COQ5: variants seen among roughly 807,000 people sequenced by gnomAD.
COQ5 encodes coenzyme Q5, methyltransferase, also known as 2-methoxy-6-polyprenyl-1,4-benzoquinol methylase, mitochondrial.
A neutral mutation model predicts 40.5 loss-of-function variants in COQ5; 27 were observed. The observed-to-expected ratio is 0.67, with a 90% CI of 0.49 to 0.92. COQ5 has a LOEUF of 0.92. Among genes scored for constraint, COQ5 ranks in the 40% least tolerant of loss-of-function variants. The pLI is 0.00. For synonymous variants in COQ5, 141 were observed against 150.0 expected, an observed-to-expected ratio of 0.94 and a Z score of 0.44; for missense variants, 409 against 406.4, an observed-to-expected ratio of 1.01 and a Z score of -0.06.
intron 1 of COQ5, among the ~76,000 whole-genome samples, chr12:120,528,671 G>A (rs1382913258): frequency 6.6e-6 from 1 of 152,004 alleles, no homozygotes; most frequent in East Asian, 1.9e-4. Context: ...GGGCGTGCTG[G>A]CGGGCGCCTG....
chr12:120,518,048 C>G (rs1423503206), intron 2 of COQ5, among the ~76,000 whole-genome samples: 1 of 152,034 alleles, frequency 6.6e-6, no homozygotes, highest in Non-Finnish European at 1.5e-5. Context: ...CTCAGGTGAT[C>G]CACTCGCCTC....
At chr12:120,519,819 G>A (rs892141001) in intron 2 of COQ5, among the ~76,000 whole-genome samples, 7 of 144,642 alleles carry the variant, frequency 4.8e-5, no homozygotes, top group Admixed American at 1.4e-4. Context: ...GCGGTGAGCC[G>A]AAATTGTGCC....
chr12:120,520,685 G>A (rs1374204801), intron 2 of COQ5, among the ~76,000 whole-genome samples: 1 of 151,962 alleles, frequency 6.6e-6, no homozygotes, highest in Non-Finnish European at 1.5e-5. Flanking sequence ...TGGCCAGACT[G>A]GTCTTGAACT....
chr12:120,521,014 T>C (rs1869621154), intron 2 of COQ5, among the ~76,000 whole-genome samples: 1 of 151,434 alleles, frequency 6.6e-6, no homozygotes, highest in African/African-American at 2.4e-5. Flanking sequence ...GTCATTTAGA[T>C]GGTGAAATGT....
chr12:120,508,434 C>T (rs73225213), intron 4 of COQ5, among the ~76,000 whole-genome samples: 6,895 of 152,132 alleles, frequency 0.045, 260 homozygotes, highest in South Asian at 0.1. Flanking sequence ...TACACCTTGG[C>T]ACAAAACATC....
At chr12:120,504,830 A>T (rs977924779) in intron 5 of COQ5, 65 bp downstream of exon 5, 20 of 1,359,274 alleles carry the variant, frequency 1.5e-5, no homozygotes, top group Non-Finnish European at 2.0e-5. Flanking sequence ...GGCTATTTTC[A>T]ATCCATTTCG....
At chr12:120,528,816 A>AAT (rs1870085558) in intron 1 of COQ5, 124 bp downstream of exon 1, 1 of 973,650 alleles carries the variant, frequency 1.0e-6, no homozygotes, top group Non-Finnish European at 1.6e-6. Context: ...AAAAAAAAAA[A>AAT]AAATCATAAC....
At chr12:120,518,923 T>A (rs1869517048) in intron 2 of COQ5, among the ~76,000 whole-genome samples, 1 of 152,222 alleles carries the variant, frequency 6.6e-6, no homozygotes, top group South Asian at 2.1e-4. Flanking sequence ...ATTTAGTATA[T>A]GCGCTACTGA....
chr12:120,526,046 A>G (rs1565935010), intron 1 of COQ5, among the ~76,000 whole-genome samples: 1 of 152,226 alleles, frequency 6.6e-6, no homozygotes, highest in Admixed American at 6.5e-5. Flanking sequence ...CAATACCACA[A>G]TTCAAGTACA....
chr12:120,510,106 C>G lies in COQ5; in HGVS notation c.592G>C (p.Gly198Arg), dbSNP rs1254800895. The G allele has an allele frequency of 6.2e-7, 1 of 1,613,608 alleles. No individual in the cohort carries two copies. The highest frequency in any genetic ancestry group is 1.7e-5 in the Admixed American group (1 of 59,956). ...TCAAAGGGCAGTTCTTCAGCATCTC[C>G]TAATACCCATGCAAGTCCTGAAAGA... ...GYRAGLAWVLGDAEELPFDDD... is the reference protein window; with the variant it reads ...GYRAGLAWVLRDAEELPFDDD... The change falls in exon 4 of 7, where the codon GGA becomes CGA. Residue 198 changes from glycine to arginine, a missense_variant. Coordinates refer to ENST00000288532, the MANE Select transcript of COQ5 (RefSeq NM_032314.4).
At chr12:120,508,158 G>A (rs1175605586) in intron 4 of COQ5, among the ~76,000 whole-genome samples, 3 of 151,708 alleles carry the variant, frequency 2.0e-5, no homozygotes, top group East Asian at 2.0e-4. Context: ...GCCACGCCCA[G>A]CTAATTTTTG....
At chr12:120,506,916 T>C (rs1671767) in intron 4 of COQ5, among the ~76,000 whole-genome samples, 120,778 of 151,904 alleles carry the variant, frequency 0.8, 48,350 homozygotes, top group Admixed American at 0.85. Flanking sequence ...TCACTGCAAC[T>C]TCCACCTCCC....
chr12:120,516,538 C>G (rs1206260107), intron 3 of COQ5, 29 bp downstream of exon 3: 1 of 1,496,120 alleles, frequency 6.7e-7, no homozygotes, highest in South Asian at 1.1e-5. Context: ...ACAAATACTT[C>G]CCCTGTGTCT....
chr12:120,519,580 T>G (rs1487470893), intron 2 of COQ5, among the ~76,000 whole-genome samples: 1 of 144,540 alleles, frequency 6.9e-6, no homozygotes, highest in African/African-American at 2.6e-5. Flanking sequence ...GAATTGAAAA[T>G]GTGGGATCCG....
chr12:120,504,767 A>G, intron 5 of COQ5, 128 bp downstream of exon 5: 1 of 799,444 alleles, frequency 1.3e-6, no homozygotes, highest in Non-Finnish European at 2.2e-6. Flanking sequence ...TGTCATTCAG[A>G]ACTGGCTGAC....
At chr12:120,508,933 G>T in intron 4 of COQ5, among the ~76,000 whole-genome samples, 1 of 151,984 alleles carries the variant, frequency 6.6e-6, no homozygotes, top group South Asian at 2.1e-4. Flanking sequence ...GCTGACGCAG[G>T]AGAATTGCTT....
rs749441290 is a variant in COQ5 at position 120,504,060 on chromosome 12, G to T, written c.792C>A (p.Phe264Leu). 5.0e-6 allele frequency: 8 copies of T among 1,610,004 alleles called. No homozygotes were observed. Among genetic ancestry groups the T allele is most frequent in the Admixed American group, 1.7e-5 (1 of 60,018 alleles). Residue 264 changes from phenylalanine (F) to leucine (L), a missense_variant, in exon 6 of 7, where the codon TTC (phenylalanine) becomes TTA (leucine). Coordinates refer to ENST00000288532, the MANE Select transcript of COQ5 (RefSeq NM_032314.4). ...LISRLYDLYSFQVIPVLGEVI... is the reference protein window; with the variant it reads ...LISRLYDLYSLQVIPVLGEVI... ...CCTCTCCCAGGACAGGGATGACCTG[G>T]AAGCTATATAGATCATAAAGCCTAG...
chr12:120,507,793 A>G (rs569302126), intron 4 of COQ5, among the ~76,000 whole-genome samples: 29 of 148,322 alleles, frequency 2.0e-4, no homozygotes, highest in Non-Finnish European at 3.9e-4. Context: ...AGGCTGAGGC[A>G]GAAGAATCAC....
intron 2 of COQ5, 43 bp downstream of exon 2, chr12:120,522,171 A>G: frequency 1.2e-6 from 2 of 1,610,832 alleles, no homozygotes; most frequent in Non-Finnish European, 8.5e-7. Flanking sequence ...AATTTCTGTA[A>G]AACATGCTCA....
Sources: gnomAD v4.1 joint callset for allele counts (sites outside exome capture counted in the v4.1 genomes callset) on GRCh38, gnomAD v4.1.1 for gene constraint, MANE v1.5 for transcripts, NCBI Gene and HGNC (gene_info 2026-07-23, HGNC 2026-07-21) for gene names.